GC: variants seen among roughly 807,000 people sequenced by gnomAD.
The protein encoded by GC is GC vitamin D binding protein.
A neutral mutation model predicts 56.7 loss-of-function variants in GC; 43 were observed. The ratio of observed to expected loss-of-function variants is 0.76; its 90% CI spans 0.59 to 0.98. The LOEUF is 0.98. GC is among the 50% of genes least tolerant of loss of function. GC has a pLI of 0.00. For synonymous variants in GC, 216 were observed against 202.7 expected (o/e 1.07, Z -0.56); for missense variants, 529 against 545.9 (o/e 0.97, Z 0.31).
At chr4:71,748,318 C>T (rs1741440919) in intron 11 of GC, among the ~76,000 whole-genome samples, 1 of 152,090 alleles carries the variant, frequency 6.6e-6, no homozygotes, top group Non-Finnish European at 1.5e-5. Context: ...TTTTTCCTGA[C>T]ACAAGAAAGA....
At chr4:71,780,762 C>G (rs1742649316) in intron 1 of GC, among the ~76,000 whole-genome samples, 1 of 151,988 alleles carries the variant, frequency 6.6e-6, no homozygotes, top group Admixed American at 6.6e-5. Context: ...TGTGGAGACA[C>G]AGGAACACTT....
At chr4:71,798,290 T>C (rs1332650675) in intron 1 of GC, among the ~76,000 whole-genome samples, 1 of 152,264 alleles carries the variant, frequency 6.6e-6, no homozygotes. Flanking sequence ...TAAATCTTTG[T>C]CTACTACATA....
Position 71,800,285 on chromosome 4 carries a change from T to C in GC, c.21+3641A>G, listed in dbSNP as rs984082399. Among the ~76,000 whole-genome samples the C allele has an allele frequency of 2.6e-5, 4 of 152,094 alleles. No individual in the cohort carries two copies. In the South Asian group the frequency reaches 6.2e-4, roughly 24 times the overall value. On this transcript the variant is annotated intron_variant, in intron 1 of 13. Coordinates refer to the GC transcript ENST00000504199. ...TGTGTTGTTCCCCTCCCTGTGTCCA[T>C]GTATCCTCATTGTTCAGCTCCCACT...
At chr4:71,774,960 T>C (rs1742461752) in intron 1 of GC, among the ~76,000 whole-genome samples, 1 of 151,938 alleles carries the variant, frequency 6.6e-6, no homozygotes, top group Non-Finnish European at 1.5e-5. Context: ...TTCATGCCTG[T>C]TTAAAAATCT....
At chr4:71,771,329 G>C (rs533032929) in intron 1 of GC, among the ~76,000 whole-genome samples, 1 of 151,742 alleles carries the variant, frequency 6.6e-6, no homozygotes, top group Non-Finnish European at 1.5e-5. Flanking sequence ...GACTTGAAAG[G>C]GTTGTATTTT....
At chr4:71,791,722 T>C (rs1275725788) in intron 1 of GC, among the ~76,000 whole-genome samples, 2 of 152,032 alleles carry the variant, frequency 1.3e-5, no homozygotes, top group Non-Finnish European at 2.9e-5. Flanking sequence ...AATGTGCAGG[T>C]TTGTTACATA....
intron 1 of GC, among the ~76,000 whole-genome samples, chr4:71,800,668 T>C (rs1479285466): frequency 6.6e-6 from 1 of 152,224 alleles, no homozygotes; most frequent in Non-Finnish European, 1.5e-5. Flanking sequence ...CTGTCTTCAA[T>C]AGTGGTTGAA....
chr4:71,748,541 C>A (rs1741448770), intron 11 of GC, among the ~76,000 whole-genome samples: 1 of 152,052 alleles, frequency 6.6e-6, no homozygotes, highest in African/African-American at 2.4e-5. Context: ...GTAATGAGTT[C>A]TCAGAAGAGC....
At chr4:71,759,852 T>C (rs1741904572) in intron 6 of GC, among the ~76,000 whole-genome samples, 1 of 152,206 alleles carries the variant, frequency 6.6e-6, no homozygotes, top group Non-Finnish European at 1.5e-5. Flanking sequence ...AGTACATTTC[T>C]GGACATGAAT....
chr4:71,801,027 T>A (rs535926017), intron 1 of GC, among the ~76,000 whole-genome samples: 8 of 152,264 alleles, frequency 5.3e-5, no homozygotes, highest in Admixed American at 2.6e-4. Context: ...TAGGATACTA[T>A]CAAGAAAGTG....
intron 10 of GC, among the ~76,000 whole-genome samples, chr4:71,753,479 G>T (rs932504634): frequency 4.9e-5 from 7 of 142,734 alleles, no homozygotes; most frequent in Non-Finnish European, 7.5e-5. Context: ...GAGACTCAAA[G>T]GAGGCAAAAA....
At chr4:71,759,665 T>C (rs1032165827) in intron 6 of GC, 8 of 152,230 alleles carry the variant, frequency 5.3e-5, no homozygotes, top group Non-Finnish European at 1.2e-4. Context: ...TCTTTTCATA[T>C]GTTTATTGGA....
rs534436768 is a variant in GC at position 71,759,081 on chromosome 4, T to A, written c.702-910A>T. On this transcript the variant is annotated intron_variant, in intron 6 of 12. Transcript: ENST00000273951. Reference sequence around the variant, plus strand: ...CATATTTCACTTAGCATAATGAAAGTCCTCAAGGTTCATCCTTGTAGCACG... The same window carrying A: ...CATATTTCACTTAGCATAATGAAAGACCTCAAGGTTCATCCTTGTAGCACG... Among the ~76,000 whole-genome samples, 6 of 152,324 alleles carry A rather than the reference T, an allele frequency of 3.9e-5. No individual in the cohort carries two copies. The South Asian group carries it at 1.2e-3, about 32-fold the overall frequency.
In GC at chr4:71,754,432, G is replaced by T; in HGVS notation, c.1241C>A (p.Thr414Lys). 6.5e-7 allele frequency: 1 copy of T among 1,547,042 alleles called. No individual in the cohort carries two copies. Residue 414 changes from threonine (T) to lysine (K), a missense_variant, in exon 10 of 13, where the codon ACA (threonine) becomes AAA (lysine). Transcript: ENST00000273951. Reference sequence around the variant, plus strand: ...TTACTTTTTCTTGTACTCAGTAAATGTATTTTCTGAATAATCTGCACATAG... The same window carrying T: ...TTACTTTTTCTTGTACTCAGTAAATTTATTTTCTGAATAATCTGCACATAG... ...QELCADYSEN[T>K]FTEYKKKLAE...
At chr4:71,797,492 G>A (rs913010114) in intron 1 of GC, among the ~76,000 whole-genome samples, 1 of 152,270 alleles carries the variant, frequency 6.6e-6, no homozygotes, top group Non-Finnish European at 1.5e-5. Flanking sequence ...GGGACCTGCC[G>A]AGCCAGGCAG....
At chr4:71,758,318 A>G (rs1741853447) in intron 6 of GC, 147 bp from the exon 7 acceptor site, 2 of 650,604 alleles carry the variant, frequency 3.1e-6, no homozygotes, top group Non-Finnish European at 5.3e-6. Flanking sequence ...CATGCGATAG[A>G]TCTTATGTAC....
In GC at chr4:71,752,622, G is replaced by A; in HGVS notation, c.1291C>T (p.Pro431Ser). Residue 431 changes from proline (P) to serine (S), a missense_variant, in exon 11 of 13, where the codon CCT (proline) becomes TCT (serine). Transcript: ENST00000273951. ...KLAERLKAKL[P>S]DATPTELAKL... ...GCCAGTTCCGTGGGTGTGGCATCAG[G>A]CAATTTTGCTTTTAGTCGCTCTGCC... The A allele has an allele frequency of 6.2e-7, 1 of 1,612,974 alleles. No homozygotes were observed. Among genetic ancestry groups the A allele is most frequent in the Non-Finnish European group, 8.5e-7 (1 of 1,179,154 alleles).
intron 1 of GC, among the ~76,000 whole-genome samples, chr4:71,797,515 C>T (rs2149310547): frequency 6.6e-6 from 1 of 152,378 alleles, no homozygotes; most frequent in South Asian, 2.1e-4. Context: ...GAGAGAATCT[C>T]CTGGTCTGCT....
chr4:71,788,754 G>T (rs1047756706), upstream of GC, among the ~76,000 whole-genome samples: 12 of 151,808 alleles, frequency 7.9e-5, no homozygotes, highest in Non-Finnish European at 1.3e-4. Context: ...AAAAAATAGT[G>T]CAGGAACAAG....
Sources: allele counts gnomAD v4.1 joint callset (sites outside exome capture counted in the v4.1 genomes callset), GRCh38; gene constraint gnomAD v4.1.1; transcripts MANE v1.5; gene names NCBI Gene and HGNC (gene_info 2026-07-23, HGNC 2026-07-21).